Variants in HYDIN observed in about 807,000 individuals in gnomAD.
HYDIN encodes the protein axonemal central pair apparatus protein HYDIN.
Under a neutral mutation model 403.9 loss-of-function variants are expected in HYDIN, and 132 were observed. That is an observed-to-expected ratio of 0.33 (90% CI 0.28 to 0.38). HYDIN has a LOEUF of 0.38. HYDIN is among the 10% of genes least tolerant of loss of function. The probability of loss-of-function intolerance (pLI) is 1.00; values close to 1 mark genes in which losing one functional copy is unlikely to be tolerated. For synonymous variants in HYDIN, 1,202 were observed against 1,891.7 expected, an observed-to-expected ratio of 0.64 and a Z score of 9.46; for missense variants, 2,827 against 5,009.5, an observed-to-expected ratio of 0.56 and a Z score of 13.15.
chr16:70,819,151 G>A (rs1188655673), intron 83 of HYDIN, among the ~76,000 whole-genome samples: 1 of 151,768 alleles, frequency 6.6e-6, no homozygotes, highest in Non-Finnish European at 1.5e-5. Context: ...CTGACCTCGA[G>A]TGATCTGTCC....
At chr16:70,907,724 G>A (rs2076574948) in intron 49 of HYDIN, among the ~76,000 whole-genome samples, 1 of 152,100 alleles carries the variant, frequency 6.6e-6, no homozygotes, top group South Asian at 2.1e-4. Flanking sequence ...AGCAGTGACA[G>A]AGCTGAGTCA....
At chr16:71,119,086 A>C (rs1272803850) in intron 9 of HYDIN, among the ~76,000 whole-genome samples, 2 of 152,146 alleles carry the variant, frequency 1.3e-5, no homozygotes, top group Non-Finnish European at 2.9e-5. Context: ...AGCTCAGTGC[A>C]TGTGGGCAAG....
chr16:71,068,172 A>G (rs6499428), intron 14 of HYDIN, among the ~76,000 whole-genome samples: 1 of 145,620 alleles, frequency 6.9e-6, no homozygotes, highest in Non-Finnish European at 1.5e-5. Context: ...CTTTCAGAAG[A>G]CTTGTTATGA....
intron 67 of HYDIN, 76 bp from the exon 68 acceptor site, chr16:70,863,258 T>C: frequency 2.9e-6 from 4 of 1,384,762 alleles, no homozygotes; most frequent in Admixed American, 5.3e-5. Context: ...TCATCTATAC[T>C]GTACTTAACC....
At chr16:70,907,304 C>T in intron 50 of HYDIN, 68 bp downstream of exon 50, 1 of 488,112 alleles carries the variant, frequency 2.0e-6, no homozygotes, top group Non-Finnish European at 3.7e-6. Context: ...ACACAGGAAT[C>T]CTACTTGCAC....
At chr16:71,150,542 C>T (rs994467232) in intron 7 of HYDIN, among the ~76,000 whole-genome samples, 1 of 151,440 alleles carries the variant, frequency 6.6e-6, no homozygotes, top group African/African-American at 2.4e-5. Flanking sequence ...CACACATACA[C>T]AAAAATTAAA....
Position 70,868,770 on chromosome 16 carries a change from C to G in HYDIN, c.11110G>C (p.Gly3704Arg), listed in dbSNP as rs1362004710. 1.2e-6 allele frequency: 2 copies of G among 1,613,750 alleles called. No homozygotes were observed. Among genetic ancestry groups the G allele is most frequent in the Non-Finnish European group, 1.7e-6 (2 of 1,179,958 alleles). ...FSPQMGHLHP[G>R]CAKDIVVTMK... ...GTCACCACTATGTCCTTGGCACACCCAGGGTGGAGGTGGCCCATCTAGGAA... is the reference window on the plus strand; with the variant it reads ...GTCACCACTATGTCCTTGGCACACCGAGGGTGGAGGTGGCCCATCTAGGAA... Residue 3704 changes from glycine to arginine, a missense_variant, in exon 66 of 86, where the codon GGG (glycine) becomes CGG (arginine). Coordinates refer to ENST00000393567, the MANE Select transcript of HYDIN (RefSeq NM_001270974.2).
intron 9 of HYDIN, among the ~76,000 whole-genome samples, chr16:71,122,639 G>A (rs902760443): frequency 4.9e-5 from 5 of 101,016 alleles, no homozygotes; most frequent in East Asian, 3.0e-4. Context: ...TGCTATGCCC[G>A]CTTGGGAAAA....
intron 1 of HYDIN, among the ~76,000 whole-genome samples, chr16:71,216,095 T>A (rs2088865802): frequency 6.6e-6 from 1 of 152,218 alleles, no homozygotes; most frequent in Non-Finnish European, 1.5e-5. Context: ...ACGTATGTTC[T>A]ATGACCCAGC....
intron 5 of HYDIN, among the ~76,000 whole-genome samples, chr16:71,165,694 G>A (rs1008243567): frequency 6.6e-6 from 1 of 152,012 alleles, no homozygotes; most frequent in African/African-American, 2.4e-5. Context: ...AATAAATCAT[G>A]ATATGGGGAC....
At chr16:71,050,369 T>C (rs1379651089) in intron 18 of HYDIN, among the ~76,000 whole-genome samples, 1 of 131,766 alleles carries the variant, frequency 7.6e-6, no homozygotes, top group Non-Finnish European at 1.7e-5. Flanking sequence ...AAACTAAGCA[T>C]CGTAAACTAC....
intron 57 of HYDIN, among the ~76,000 whole-genome samples, chr16:70,891,074 C>A (rs1479548349): frequency 6.6e-6 from 1 of 151,864 alleles, no homozygotes; most frequent in Non-Finnish European, 1.5e-5. Flanking sequence ...TGTGTTTGTT[C>A]AACTAAAATT....
chr16:70,831,182 G>A (rs2036956989), intron 80 of HYDIN, among the ~76,000 whole-genome samples: 1 of 151,576 alleles, frequency 6.6e-6, no homozygotes, highest in South Asian at 2.1e-4. Context: ...AGGAATCTAA[G>A]GACTAGTTCT....
chr16:70,812,810 A>G (rs1424875148), intron 84 of HYDIN, among the ~76,000 whole-genome samples: 1 of 152,180 alleles, frequency 6.6e-6, no homozygotes, highest in African/African-American at 2.4e-5. Flanking sequence ...ATGGTCCTCA[A>G]TAATCCCCAC....
chr16:70,932,332 A>T lies in HYDIN; in HGVS notation c.7158+3620T>A, dbSNP rs373229257. Among the ~76,000 whole-genome samples the T allele has an allele frequency of 1.8e-3, 278 of 152,320 alleles. 3 individuals are homozygous for T. The highest frequency in any genetic ancestry group is 6.3e-3 in the African/African-American group (262 of 41,574). On this transcript the variant is annotated intron_variant, in intron 45 of 85. Transcript: ENST00000393567. ...ATCGAGCCACTGCATTCCTGCTTAGACGACAGAGCAAGATTCTGTCTCAAA... is the reference window on the plus strand; with the variant it reads ...ATCGAGCCACTGCATTCCTGCTTAGTCGACAGAGCAAGATTCTGTCTCAAA...
intron 18 of HYDIN, among the ~76,000 whole-genome samples, chr16:71,059,591 C>G (rs1334048072): frequency 6.6e-6 from 1 of 151,636 alleles, no homozygotes. Flanking sequence ...AACCAAATGT[C>G]ACACAAAGAA....
chr16:70,829,505 A>T, intron 81 of HYDIN, 113 bp downstream of exon 81: 2 of 784,028 alleles, frequency 2.6e-6, no homozygotes, highest in Non-Finnish European at 4.3e-6. Context: ...AAGTGCTGGG[A>T]TTACAGGCAT....
chr16:71,190,536 G>A (rs567943231), intron 1 of HYDIN, among the ~76,000 whole-genome samples: 3 of 152,104 alleles, frequency 2.0e-5, no homozygotes, highest in Admixed American at 6.5e-5. Flanking sequence ...CCAAATAGTT[G>A]ATGAAAGAAA....
chr16:70,907,124 C>A (rs2076558254), intron 50 of HYDIN, among the ~76,000 whole-genome samples: 1 of 152,118 alleles, frequency 6.6e-6, no homozygotes, highest in African/African-American at 2.4e-5. Context: ...AAAGCAAACT[C>A]TTGATCCTAC....
Sources: allele counts gnomAD v4.1 joint callset (sites outside exome capture counted in the v4.1 genomes callset), GRCh38; gene constraint gnomAD v4.1.1; transcripts MANE v1.5; gene names NCBI Gene and HGNC (gene_info 2026-07-23, HGNC 2026-07-21).